CDK14: variants seen among roughly 807,000 people sequenced by gnomAD.
CDK14 encodes cyclin-dependent kinase 14.
CDK14 carries 34 observed loss-of-function variants against 60.7 expected under a neutral mutation model. The observed-to-expected ratio is 0.56, with a 90% CI of 0.43 to 0.75. The LOEUF is 0.75. Among genes scored for constraint, CDK14 ranks in the 30% least tolerant of loss-of-function variants. The pLI is 0.00. For synonymous variants in CDK14, 197 were observed against 203.7 expected, an observed-to-expected ratio of 0.97 and a Z score of 0.28; for missense variants, 482 against 564.1, an observed-to-expected ratio of 0.85 and a Z score of 1.47.
chr7:91,164,638 A>G (rs1584150968), intron 14 of CDK14, among the ~76,000 whole-genome samples: 1 of 152,162 alleles, frequency 6.6e-6, no homozygotes, highest in Admixed American at 6.5e-5. Flanking sequence ...CCATTATTAC[A>G]TTGTTGGCAT....
At chr7:90,877,315 C>G (rs1342008347) in intron 6 of CDK14, among the ~76,000 whole-genome samples, 1 of 152,148 alleles carries the variant, frequency 6.6e-6, no homozygotes, top group African/African-American at 2.4e-5. Context: ...AGTTAACATT[C>G]AACTTCTAGT....
rs867202505 is a variant in CDK14, at chr7:90,895,668, C to T, written c.640-3623C>T. Among the ~76,000 whole-genome samples, 22 of 145,850 alleles carry T rather than the reference C, an allele frequency of 1.5e-4. No individual in the cohort carries two copies. In the Middle Eastern group the frequency reaches 0.014, roughly 93 times the overall value. ...CTCCGTCTCTCGTGTTCAAGCAATT[C>T]TCCTGCCTCAGCTTCCCGAGTAGCT... On this transcript the variant is annotated intron_variant, in intron 6 of 14. Transcript: ENST00000380050.
At position 91,165,946 on chromosome 7, in the gene CDK14, G is replaced by A. The variant is rs1349962588; in HGVS notation, c.*29-41219G>A. On this transcript the variant is annotated intron_variant, in intron 14 of 14. Transcript: ENST00000380050. The stretch of plus-strand genomic sequence containing the variant: ...TTGACAATTAGTGATTTGTAGGCTT[G>A]GTTAGCACATGCATACTTTTTAAGC... Among the ~76,000 whole-genome samples the A allele has an allele frequency of 3.3e-5, 5 of 152,288 alleles. No individual in the cohort carries two copies. The East Asian group carries it at 9.6e-4, about 29-fold the overall frequency.
intron 2 of CDK14, among the ~76,000 whole-genome samples, chr7:90,622,923 CTT>C (rs1245736325): frequency 1.0e-4 from 13 of 130,290 alleles, no homozygotes; most frequent in Non-Finnish European, 1.8e-4. Flanking sequence ...CTTTTTTTTT[CTT>C]TTTTTTTTTT....
At chr7:91,026,164 G>A (rs1481839110) in intron 10 of CDK14, among the ~76,000 whole-genome samples, 1 of 152,126 alleles carries the variant, frequency 6.6e-6, no homozygotes, top group Non-Finnish European at 1.5e-5. Flanking sequence ...AGGCATAGTG[G>A]GGAGACAATG....
intron 11 of CDK14, among the ~76,000 whole-genome samples, chr7:91,057,127 T>G (rs13240543): frequency 0.11 from 16,502 of 152,196 alleles, 1,117 homozygotes; most frequent in Non-Finnish European, 0.15. Context: ...GGTATCTCAT[T>G]GTGGTTTTGA....
chr7:90,821,964 C>T (rs1789567139), intron 5 of CDK14, among the ~76,000 whole-genome samples: 1 of 152,200 alleles, frequency 6.6e-6, no homozygotes, highest in African/African-American at 2.4e-5. Context: ...GCTATCCTTC[C>T]TTCTGGAATG....
At chr7:91,054,415 T>C (rs1466146890) in intron 11 of CDK14, among the ~76,000 whole-genome samples, 2 of 152,352 alleles carry the variant, frequency 1.3e-5, no homozygotes, top group African/African-American at 2.4e-5. Context: ...TGAACTTTGC[T>C]GTCCCTCCTC....
At chr7:91,094,888 C>G (rs1457808220) in intron 12 of CDK14, among the ~76,000 whole-genome samples, 1 of 152,196 alleles carries the variant, frequency 6.6e-6, no homozygotes, top group African/African-American at 2.4e-5. Context: ...AACACCAATA[C>G]TGGTGAGGTT....
intron 2 of CDK14, among the ~76,000 whole-genome samples, chr7:90,712,677 A>G (rs925901766): frequency 6.6e-6 from 1 of 152,234 alleles, no homozygotes; most frequent in East Asian, 1.9e-4. Context: ...TTATTTTCAT[A>G]TATTTATCTA....
At chr7:91,067,569 G>A (rs538499253) in intron 11 of CDK14, among the ~76,000 whole-genome samples, 75 of 152,270 alleles carry the variant, frequency 4.9e-4, no homozygotes, top group African/African-American at 1.1e-3. Context: ...CAATGCCACC[G>A]AACTGTAACC....
intron 1 of CDK14, among the ~76,000 whole-genome samples, chr7:90,602,364 G>A (rs1161238688): frequency 6.6e-6 from 1 of 152,054 alleles, no homozygotes; most frequent in Non-Finnish European, 1.5e-5. Context: ...GAAATCAATG[G>A]GCTATTAATT....
chr7:91,027,011 C>T (rs1300255635), intron 10 of CDK14, among the ~76,000 whole-genome samples: 3 of 152,158 alleles, frequency 2.0e-5, no homozygotes, highest in Non-Finnish European at 2.9e-5. Context: ...CCCTTTCCTG[C>T]GTAACTGTGG....
At position 91,041,172 on chromosome 7, in the gene CDK14, G is replaced by A. The variant is rs1179584917; in HGVS notation, c.1042-4725G>A. Reference sequence around the variant, plus strand: ...AGACCTCCACGGATAAGATGAGCTTGTCCTTTTTTTTTTTTTTTTAACAGA... The same window carrying A: ...AGACCTCCACGGATAAGATGAGCTTATCCTTTTTTTTTTTTTTTTAACAGA... On this transcript the variant is annotated intron_variant, in intron 10 of 14. Transcript: ENST00000380050. 1.0e-4 allele frequency among the ~76,000 whole-genome samples: 13 copies of A among 124,432 alleles called. No individual in the cohort carries two copies. The South Asian group carries it at 3.4e-3, about 33-fold the overall frequency. 81.6% of individuals were successfully genotyped at this position (124,432 alleles called of 152,430 possible).
intron 2 of CDK14, among the ~76,000 whole-genome samples, chr7:90,617,976 A>G (rs1025636152): frequency 6.6e-6 from 1 of 152,250 alleles, no homozygotes; most frequent in Admixed American, 6.5e-5. Flanking sequence ...AAAAAGTGTC[A>G]GAACATCTTT....
intron 14 of CDK14, among the ~76,000 whole-genome samples, chr7:91,134,032 A>C (rs1800193950): frequency 6.6e-6 from 1 of 152,210 alleles, no homozygotes; most frequent in Non-Finnish European, 1.5e-5. Flanking sequence ...AGAGGAGCTA[A>C]AGGAGTCCTG....
intron 7 of CDK14, among the ~76,000 whole-genome samples, chr7:90,905,845 T>C (rs1025659702): frequency 6.6e-6 from 1 of 152,136 alleles, no homozygotes; most frequent in African/African-American, 2.4e-5. Flanking sequence ...TATGGAAAGT[T>C]AAAAAATAGA....
rs547890059 is a variant in CDK14 at position 90,727,237 on chromosome 7, G to T, written c.369+425G>T. On this transcript the variant is annotated intron_variant, in intron 3 of 14. Transcript: ENST00000380050. ...ACTTGCGTTAATCCAGTTTTTTTTGGGGGGGTACTCCACCAGTCTTTCTCA... is the reference window on the plus strand; with the variant it reads ...ACTTGCGTTAATCCAGTTTTTTTTGTGGGGGTACTCCACCAGTCTTTCTCA... 7.2e-5 allele frequency among the ~76,000 whole-genome samples: 11 copies of T among 151,992 alleles called. No individual in the cohort carries two copies. In the East Asian group the frequency reaches 1.9e-3, roughly 27 times the overall value.
chr7:90,733,048 C>T (rs1026555731), intron 3 of CDK14, among the ~76,000 whole-genome samples: 1 of 152,038 alleles, frequency 6.6e-6, no homozygotes, highest in Non-Finnish European at 1.5e-5. Flanking sequence ...TGTCTTTGTT[C>T]TCGTTGGTTT....
Sources: allele counts gnomAD v4.1 joint callset (sites outside exome capture counted in the v4.1 genomes callset), GRCh38; gene constraint gnomAD v4.1.1; transcripts MANE v1.5; gene names NCBI Gene and HGNC (gene_info 2026-07-23, HGNC 2026-07-21).